DLGAP1: variants seen among roughly 807,000 people sequenced by gnomAD.
The protein encoded by DLGAP1 is disks large-associated protein 1.
A neutral mutation model predicts 90.8 loss-of-function variants in DLGAP1; 11 were observed. That is an observed-to-expected ratio of 0.12 (90% CI 0.08 to 0.20). The LOEUF (loss-of-function observed/expected upper bound fraction) is 0.20. Among genes scored for constraint, DLGAP1 ranks in the 10% least tolerant of loss-of-function variants. The probability of loss-of-function intolerance (pLI) is 1.00; values close to 1 mark genes in which losing one functional copy is unlikely to be tolerated. For missense variants in DLGAP1, 1,050 were observed against 1,333.8 expected (o/e 0.79, Z 3.31); for synonymous variants, 558 against 540.7 (o/e 1.03, Z -0.44).
intron 2 of DLGAP1, among the ~76,000 whole-genome samples, chr18:4,015,493 C>T (rs1238077707): frequency 6.6e-6 from 1 of 152,180 alleles, no homozygotes; most frequent in African/African-American, 2.4e-5. Flanking sequence ...TGACCACACA[C>T]TTTCTAATGT....
At chr18:4,370,806 T>C (rs2081898559) in intron 1 of DLGAP1, among the ~76,000 whole-genome samples, 1 of 152,144 alleles carries the variant, frequency 6.6e-6, no homozygotes, top group Non-Finnish European at 1.5e-5. Flanking sequence ...GTGATATTCA[T>C]GTAATACATA....
At chr18:4,317,114 A>G (rs1162771195) in intron 1 of DLGAP1, among the ~76,000 whole-genome samples, 1 of 152,180 alleles carries the variant, frequency 6.6e-6, no homozygotes, top group Non-Finnish European at 1.5e-5. Context: ...TCCACGCAAA[A>G]TGTGAAAATG....
At chr18:3,541,890 A>G (rs1486223100) in intron 9 of DLGAP1, among the ~76,000 whole-genome samples, 1 of 151,586 alleles carries the variant, frequency 6.6e-6, no homozygotes, top group Non-Finnish European at 1.5e-5. Flanking sequence ...AAATGGAAAC[A>G]GAGGCAATAT....
At chr18:4,096,112 G>A (rs929413459) in intron 2 of DLGAP1, among the ~76,000 whole-genome samples, 5 of 152,112 alleles carry the variant, frequency 3.3e-5, no homozygotes, top group African/African-American at 1.2e-4. Flanking sequence ...TGCAGTCTCC[G>A]CCTTCTGGGT....
chr18:3,507,744 T>TTC (rs1240683626), intron 11 of DLGAP1, among the ~76,000 whole-genome samples: 1 of 142,920 alleles, frequency 7.0e-6, no homozygotes, highest in Non-Finnish European at 1.5e-5. Flanking sequence ...AGGTTTTTTT[T>TTC]TTTTTTTTTT....
At chr18:4,137,479 TGG>T (rs1297319950) in intron 2 of DLGAP1, among the ~76,000 whole-genome samples, 4 of 152,170 alleles carry the variant, frequency 2.6e-5, no homozygotes, top group African/African-American at 9.7e-5. Flanking sequence ...TCTGTTCCAT[TGG>T]TCTATGTGTC....
At chr18:3,530,543 G>T (rs539847287) in intron 10 of DLGAP1, among the ~76,000 whole-genome samples, 13 of 152,316 alleles carry the variant, frequency 8.5e-5, no homozygotes, top group Admixed American at 2.0e-4. Flanking sequence ...GCAGTGGCAC[G>T]GGATGTCATT....
intron 2 of DLGAP1, among the ~76,000 whole-genome samples, chr18:4,015,166 TAGAG>T (rs998377791): frequency 4.6e-5 from 7 of 152,162 alleles, no homozygotes; most frequent in Admixed American, 1.3e-4. Flanking sequence ...GAAAAACACT[TAGAG>T]AGACTTACAG....
intron 5 of DLGAP1, among the ~76,000 whole-genome samples, chr18:3,783,932 G>A (rs541889856): frequency 1.3e-5 from 2 of 152,292 alleles, no homozygotes; most frequent in South Asian, 4.1e-4. Context: ...AAGTGAAACC[G>A]ATGTTTAAGC....
At chr18:3,551,158 C>CATGTATATATATATATATAT (rs2053385537) in intron 9 of DLGAP1, among the ~76,000 whole-genome samples, 1 of 7,844 alleles carries the variant, frequency 1.3e-4, no homozygotes, top group African/African-American at 1.4e-4. Flanking sequence ...ATATTATATA[C>CATGTATATATATATATATAT]ATATATATAT....
chr18:3,958,622 C>A (rs1024350974), intron 3 of DLGAP1, among the ~76,000 whole-genome samples: 1,131 of 122,810 alleles, frequency 9.2e-3, no homozygotes, highest in African/African-American at 0.015. Context: ...ATCCTCTTTA[C>A]AAAAAAAAAA....
intron 1 of DLGAP1, among the ~76,000 whole-genome samples, chr18:4,313,098 C>G (rs944771838): frequency 3.9e-5 from 6 of 152,192 alleles, no homozygotes; most frequent in Non-Finnish European, 5.9e-5. Context: ...CATATTCAGT[C>G]TTCCAACAAA....
intron 4 of DLGAP1, among the ~76,000 whole-genome samples, chr18:3,871,132 C>T (rs1189565719): frequency 6.6e-6 from 1 of 152,190 alleles, no homozygotes; most frequent in Admixed American, 6.5e-5. Flanking sequence ...GCACTGGTAG[C>T]CAGGCAGTGA....
Position 4,375,899 on chromosome 18 carries a change from G to GC in DLGAP1, c.-267+79106dup, listed in dbSNP as rs1485387749. Among the ~76,000 whole-genome samples, 3 of 102,368 alleles carry GC rather than the reference G, an allele frequency of 2.9e-5. No homozygotes were observed. In the East Asian group the frequency reaches 1.1e-3, roughly 39 times the overall value. 67.2% of individuals were successfully genotyped at this position (102,368 alleles called of 152,430 possible). A position where few individuals can be genotyped will look rare whatever the true frequency, so the allele number is the denominator to read the frequency against. ...CATCAAGCTCATTGCTTACAGATATGCAAAACAACTGTTTTTCTCTTCATC... is the reference window on the plus strand; with the variant it reads ...CATCAAGCTCATTGCTTACAGATATGCCAAAACAACTGTTTTTCTCTTCATC... On this transcript the variant is annotated intron_variant, in intron 1 of 12. Coordinates refer to ENST00000315677, the MANE Select transcript of DLGAP1 (RefSeq NM_004746.4).
intron 7 of DLGAP1, among the ~76,000 whole-genome samples, chr18:3,637,877 T>C (rs1368348933): frequency 6.6e-6 from 1 of 151,840 alleles, no homozygotes; most frequent in Non-Finnish European, 1.5e-5. Flanking sequence ...TGGCACCTAA[T>C]GTATTTTCAA....
At chr18:4,053,359 A>C (rs546964696) in intron 2 of DLGAP1, among the ~76,000 whole-genome samples, 1 of 152,146 alleles carries the variant, frequency 6.6e-6, no homozygotes, top group Non-Finnish European at 1.5e-5. Flanking sequence ...TTATATAACC[A>C]TCAGGTCTTG....
At position 3,699,434 on chromosome 18, in the gene DLGAP1, G is replaced by A. The variant is rs560194119; in HGVS notation, c.1591+29701C>T. Among the ~76,000 whole-genome samples the A allele has an allele frequency of 5.8e-4, 89 of 152,214 alleles. 1 individual carries two copies. The highest frequency in any genetic ancestry group is 2.0e-3 in the African/African-American group (85 of 41,536). On this transcript the variant is annotated intron_variant, in intron 7 of 12. Transcript: ENST00000315677. ...GTCTGCTGGAGTTTTCTGGAGGTCCGCTCCAGATCCTGTTGCCTGGGTATC... is the reference window on the plus strand; with the variant it reads ...GTCTGCTGGAGTTTTCTGGAGGTCCACTCCAGATCCTGTTGCCTGGGTATC...
chr18:3,507,736 G>GTTT (rs386386884), intron 11 of DLGAP1, among the ~76,000 whole-genome samples: 9,710 of 89,808 alleles, frequency 0.11, 166 homozygotes, highest in East Asian at 0.15. Context: ...ATTCTTGAAG[G>GTTT]TTTTTTTTTT....
At chr18:3,904,557 G>A (rs1162051829) in intron 3 of DLGAP1, among the ~76,000 whole-genome samples, 2 of 152,080 alleles carry the variant, frequency 1.3e-5, no homozygotes, top group Non-Finnish European at 2.9e-5. Context: ...ATTGATCATC[G>A]GCATTCTTGG....
Sources: allele counts gnomAD v4.1 joint callset (sites outside exome capture counted in the v4.1 genomes callset), GRCh38; gene constraint gnomAD v4.1.1; transcripts MANE v1.5; gene names NCBI Gene and HGNC (gene_info 2026-07-23, HGNC 2026-07-21).